WNT7A: variants seen among roughly 807,000 people sequenced by gnomAD.
WNT7A encodes the protein protein Wnt-7a.
In WNT7A, 16 loss-of-function variants were observed where a neutral mutation model predicts 28.2. The observed-to-expected ratio is 0.57, with a 90% CI of 0.38 to 0.86. The LOEUF is 0.86. WNT7A is among the 40% of genes least tolerant of loss of function. The probability of loss-of-function intolerance (pLI) is 0.00; values close to 1 mark genes in which losing one functional copy is unlikely to be tolerated. For missense variants in WNT7A, 411 were observed against 489.7 expected (o/e 0.84, Z 1.52); for synonymous variants, 190 against 195.9 (o/e 0.97, Z 0.25).
chr3:13,816,787 A>C lies in WNT7A; in HGVS notation c.*2157T>G, dbSNP rs1413109286. 1 of 151,300 alleles carries C rather than the reference A, an allele frequency of 6.6e-6. No individual in the cohort carries two copies. The highest frequency in any genetic ancestry group is 2.4e-5 in the African/African-American group (1 of 40,996). 9.4% of individuals were successfully genotyped at this position (151,300 alleles called of 1,614,324 possible). ...TGTTTATCCCTTCATCCATCCATCT[A>C]CCCATCCATCCATTTATCCATTCAC... On this transcript the variant is annotated 3_prime_UTR_variant, in exon 4 of 4. Transcript: ENST00000285018.
intron 2 of WNT7A, chr3:13,863,691 T>C (rs1047323806): frequency 1.3e-5 from 2 of 152,180 alleles, no homozygotes; most frequent in Non-Finnish European, 2.9e-5. Flanking sequence ...AGATGGCGTA[T>C]TGTTAAGAAA....
chr3:13,842,113 C>T (rs1156324018), intron 3 of WNT7A, among the ~76,000 whole-genome samples: 1 of 152,032 alleles, frequency 6.6e-6, no homozygotes, highest in Admixed American at 6.6e-5. Context: ...ACCGTGAAGG[C>T]TTCTGTGTCT....
intron 2 of WNT7A, among the ~76,000 whole-genome samples, chr3:13,856,955 A>AG (rs1163281566): frequency 2.4e-5 from 3 of 124,826 alleles, no homozygotes; most frequent in African/African-American, 3.8e-5. Flanking sequence ...AAGAAGAAGA[A>AG]GAAGAAGAAG....
At chr3:13,844,037 G>A (rs571047022) in intron 3 of WNT7A, among the ~76,000 whole-genome samples, 6 of 152,212 alleles carry the variant, frequency 3.9e-5, no homozygotes, top group African/African-American at 1.2e-4. Flanking sequence ...GGGAGCCACC[G>A]TGCCTGGCCT....
chr3:13,879,598 GC>G, intron 1 of WNT7A, 147 bp downstream of exon 1: 1 of 822,826 alleles, frequency 1.2e-6, no homozygotes, highest in East Asian at 2.9e-5. Context: ...GGGCCTTTGT[GC>G]GTCCACCGCT....
chr3:13,855,138 C>T (rs1694708346), intron 2 of WNT7A, among the ~76,000 whole-genome samples: 1 of 152,214 alleles, frequency 6.6e-6, no homozygotes, highest in Non-Finnish European at 1.5e-5. Context: ...GCACACTTGA[C>T]GTAACCATGT....
chr3:13,854,260 TA>T (rs1694688576), intron 3 of WNT7A, among the ~76,000 whole-genome samples: 1 of 152,072 alleles, frequency 6.6e-6, no homozygotes, highest in Non-Finnish European at 1.5e-5. Context: ...CTCCCAAGGA[TA>T]AGAGTTCACA....
At chr3:13,836,262 C>G (rs1226965595) in intron 3 of WNT7A, among the ~76,000 whole-genome samples, 1 of 151,418 alleles carries the variant, frequency 6.6e-6, no homozygotes, top group Non-Finnish European at 1.5e-5. Flanking sequence ...GGAACTTGGG[C>G]CATGGAGCAC....
chr3:13,827,682 G>A (rs1694215834), intron 3 of WNT7A, among the ~76,000 whole-genome samples: 1 of 152,066 alleles, frequency 6.6e-6, no homozygotes, highest in South Asian at 2.1e-4. Context: ...GCAACCTCTG[G>A]CTCCCACAGG....
At chr3:13,853,685 A>G (rs367627752) in intron 3 of WNT7A, among the ~76,000 whole-genome samples, 25 of 152,362 alleles carry the variant, frequency 1.6e-4, no homozygotes, top group East Asian at 1.3e-3. Context: ...AACAGCCACA[A>G]GCCTCATGCC....
intron 1 of WNT7A, among the ~76,000 whole-genome samples, chr3:13,878,082 G>C (rs1042217556): frequency 1.3e-5 from 2 of 152,186 alleles, no homozygotes; most frequent in African/African-American, 4.8e-5. Flanking sequence ...CTACCCCAGA[G>C]GGCAGCTTGG....
chr3:13,836,429 G>A (rs547406273), intron 3 of WNT7A, among the ~76,000 whole-genome samples: 99 of 152,208 alleles, frequency 6.5e-4, no homozygotes, highest in Non-Finnish European at 1.2e-3. Context: ...GCTGATGCCT[G>A]GACCCCACCC....
chr3:13,828,810 A>G (rs1244299302), intron 3 of WNT7A, among the ~76,000 whole-genome samples: 1 of 152,150 alleles, frequency 6.6e-6, no homozygotes, highest in East Asian at 1.9e-4. Context: ...GACCTGGGCA[A>G]CCAGAATCAG....
At chr3:13,844,050 T>C (rs558663203) in intron 3 of WNT7A, among the ~76,000 whole-genome samples, 2 of 152,192 alleles carry the variant, frequency 1.3e-5, no homozygotes, top group African/African-American at 4.8e-5. Flanking sequence ...CCTGGCCTTG[T>C]TGGAATCTTT....
intron 2 of WNT7A, among the ~76,000 whole-genome samples, chr3:13,871,937 C>T (rs970309288): frequency 1.3e-5 from 2 of 152,196 alleles, no homozygotes; most frequent in African/African-American, 4.8e-5. Flanking sequence ...ACTTCCCCTT[C>T]AGCCTTCCTC....
chr3:13,822,330 T>G (rs1694124707), intron 3 of WNT7A, among the ~76,000 whole-genome samples: 1 of 152,198 alleles, frequency 6.6e-6, no homozygotes, highest in Non-Finnish European at 1.5e-5. Context: ...AATAACTCCC[T>G]CAACTATTAA....
intron 2 of WNT7A, among the ~76,000 whole-genome samples, chr3:13,855,682 G>A (rs976328655): frequency 6.6e-6 from 1 of 152,158 alleles, no homozygotes; most frequent in African/African-American, 2.4e-5. Flanking sequence ...CTGCAAAATG[G>A]GTTCAAGGGC....
intron 2 of WNT7A, among the ~76,000 whole-genome samples, chr3:13,871,108 G>A (rs1695020420): frequency 6.6e-6 from 1 of 152,252 alleles, no homozygotes; most frequent in African/African-American, 2.4e-5. Flanking sequence ...CTTGCAGCTA[G>A]ATGTGGCCAT....
intron 2 of WNT7A, among the ~76,000 whole-genome samples, chr3:13,861,790 CA>C (rs1694836336): frequency 6.6e-6 from 1 of 152,176 alleles, no homozygotes; most frequent in Non-Finnish European, 1.5e-5. Flanking sequence ...GAAACAAAGC[CA>C]GGGGGCTCCT....
Sources: gnomAD v4.1 joint callset for allele counts (sites outside exome capture counted in the v4.1 genomes callset) on GRCh38, gnomAD v4.1.1 for gene constraint, MANE v1.5 for transcripts, NCBI Gene and HGNC (gene_info 2026-07-23, HGNC 2026-07-21) for gene names.